STPG2: variants seen among roughly 807,000 people sequenced by gnomAD.
STPG2 encodes the protein sperm-tail PG-rich repeat-containing protein 2.
A neutral mutation model predicts 54.2 loss-of-function variants in STPG2; 56 were observed. That is an observed-to-expected ratio of 1.03 (90% CI 0.83 to 1.29). The LOEUF (loss-of-function observed/expected upper bound fraction) is 1.29, where lower values mean the gene tolerates loss of function less well. STPG2 is among the 50% of genes most tolerant of loss of function. The pLI is 0.00. For missense variants in STPG2, 596 were observed against 544.9 expected, an observed-to-expected ratio of 1.09 and a Z score of -0.93; for synonymous variants, 200 against 181.8, an observed-to-expected ratio of 1.10 and a Z score of -0.81.
intron 8 of STPG2, among the ~76,000 whole-genome samples, chr4:97,894,843 G>C (rs1730900213): frequency 6.6e-6 from 1 of 151,862 alleles, no homozygotes; most frequent in Non-Finnish European, 1.5e-5. Flanking sequence ...GCAGCTGAGA[G>C]AAAGAGTAAG....
chr4:97,918,989 G>T (rs1055759061), intron 8 of STPG2, among the ~76,000 whole-genome samples: 1 of 152,030 alleles, frequency 6.6e-6, no homozygotes, highest in African/African-American at 2.4e-5. Flanking sequence ...TAAAAGCAAG[G>T]TTTAATAGAT....
intron 9 of STPG2, among the ~76,000 whole-genome samples, chr4:97,742,233 A>T (rs1725266996): frequency 6.6e-6 from 1 of 151,898 alleles, no homozygotes; most frequent in African/African-American, 2.4e-5. Context: ...GGGAGGAAGG[A>T]GGGATAGCAT....
intron 7 of STPG2, among the ~76,000 whole-genome samples, chr4:97,949,134 G>A (rs150723679): frequency 2.2e-3 from 331 of 152,088 alleles, no homozygotes; most frequent in African/African-American, 7.1e-3. Flanking sequence ...ATATCTTCTC[G>A]TTGAATTGAT....
At chr4:97,997,136 T>C (rs1735265808) in intron 5 of STPG2, among the ~76,000 whole-genome samples, 1 of 152,218 alleles carries the variant, frequency 6.6e-6, no homozygotes, top group East Asian at 1.9e-4. Context: ...GACACATGCA[T>C]GCATATGATC....
At chr4:97,951,278 C>T (rs1357095539) in intron 7 of STPG2, among the ~76,000 whole-genome samples, 3 of 152,148 alleles carry the variant, frequency 2.0e-5, no homozygotes, top group African/African-American at 4.8e-5. Flanking sequence ...GCATTAATAA[C>T]ATTTTCTCTA....
chr4:97,650,331 T>G (rs755859432), intron 10 of STPG2, among the ~76,000 whole-genome samples: 2 of 152,106 alleles, frequency 1.3e-5, no homozygotes, highest in Non-Finnish European at 2.9e-5. Context: ...CTCTGTAAAA[T>G]ATTTGAAGAG....
intron 10 of STPG2, among the ~76,000 whole-genome samples, chr4:97,667,648 C>T (rs113925198): frequency 0.012 from 1,878 of 152,206 alleles, 33 homozygotes; most frequent in African/African-American, 0.043. Context: ...CAAACTCTTC[C>T]TTCCTTACAT....
In STPG2 at chr4:97,787,715, T is replaced by C. The variant is rs180815841; in HGVS notation, c.1204+53058A>G. On this transcript the variant is annotated intron_variant, in intron 9 of 10. Transcript: ENST00000295268. ...CTATTTTTTGCTTCTTAAATGTTTA[T>C]GCTTGATATGTTCTTATCAGATAAC... is the stretch of plus-strand genomic sequence containing the variant. Among the ~76,000 whole-genome samples the C allele has an allele frequency of 2.2e-4, 33 of 152,064 alleles. No individual in the cohort carries two copies. In the East Asian group the frequency reaches 6.4e-3, roughly 29 times the overall value.
At chr4:97,670,632 C>T (rs1297968355) in intron 10 of STPG2, among the ~76,000 whole-genome samples, 2 of 152,108 alleles carry the variant, frequency 1.3e-5, no homozygotes, top group African/African-American at 4.8e-5. Flanking sequence ...TATTCTTGAC[C>T]TTGCCTATTA....
intron 8 of STPG2, among the ~76,000 whole-genome samples, chr4:97,942,643 C>A (rs930453316): frequency 6.6e-6 from 1 of 152,058 alleles, no homozygotes; most frequent in Non-Finnish European, 1.5e-5. Context: ...GCTATTATTT[C>A]CAAGACATTC....
chr4:97,484,761 G>A (rs1386918391), intron 4 of STPG2, among the ~76,000 whole-genome samples: 2 of 151,604 alleles, frequency 1.3e-5, no homozygotes, highest in Non-Finnish European at 3.0e-5. Flanking sequence ...AACAAAAAAA[G>A]AAAATTACAG....
At chr4:98,025,017 A>AT (rs1456141774) in intron 5 of STPG2, among the ~76,000 whole-genome samples, 7 of 152,184 alleles carry the variant, frequency 4.6e-5, no homozygotes, top group Non-Finnish European at 1.0e-4. Context: ...TGCAAATGTA[A>AT]TTACCCCCAT....
chr4:98,065,371 C>T (rs1737801176), intron 5 of STPG2, among the ~76,000 whole-genome samples: 1 of 152,010 alleles, frequency 6.6e-6, no homozygotes, highest in South Asian at 2.1e-4. Context: ...GGTCCAGTAA[C>T]TGGATAATTA....
chr4:97,955,121 A>C (rs1190589981), intron 7 of STPG2, among the ~76,000 whole-genome samples: 3 of 152,212 alleles, frequency 2.0e-5, no homozygotes, highest in Non-Finnish European at 4.4e-5. Flanking sequence ...TGGTAGTTGA[A>C]ATAGATGAAA....
At chr4:97,752,553 C>G (rs1725610514) in intron 9 of STPG2, among the ~76,000 whole-genome samples, 1 of 151,810 alleles carries the variant, frequency 6.6e-6, no homozygotes, top group Admixed American at 6.6e-5. Flanking sequence ...CACACAGGCA[C>G]CCAACTGCAT....
At chr4:97,902,693 G>T (rs1235351237) in intron 8 of STPG2, among the ~76,000 whole-genome samples, 1 of 152,228 alleles carries the variant, frequency 6.6e-6, no homozygotes, top group South Asian at 2.1e-4. Flanking sequence ...ACATATTTTG[G>T]TGGGTATGTA....
chr4:97,884,131 G>T (rs1374383146), intron 8 of STPG2, among the ~76,000 whole-genome samples: 3 of 152,086 alleles, frequency 2.0e-5, no homozygotes, highest in African/African-American at 7.2e-5. Context: ...TGGGAAGAGA[G>T]GGGGGAAAGG....
At position 97,599,805 on chromosome 4, in the gene STPG2, C is replaced by A. The variant is rs535499590; in HGVS notation, c.1321-40688G>T. Among the ~76,000 whole-genome samples the A allele has an allele frequency of 4.7e-3, 599 of 128,474 alleles. 3 individuals are homozygous for A. Among genetic ancestry groups the A allele is most frequent in the South Asian group, 0.022 (91 of 4,158 alleles). The allele number at this position is 128,474 out of a possible 152,430, so 84.3% of individuals were successfully genotyped here. ...TGCCACTGAACTCCAGCCTGGGTGACAGTGTGAGATTCTGTCTCAAAAAAA... is the reference window on the plus strand; with the variant it reads ...TGCCACTGAACTCCAGCCTGGGTGAAAGTGTGAGATTCTGTCTCAAAAAAA... On this transcript the variant is annotated intron_variant, in intron 10 of 10. Coordinates refer to ENST00000295268, the MANE Select transcript of STPG2 (RefSeq NM_174952.3).
intron 5 of STPG2, among the ~76,000 whole-genome samples, chr4:98,007,445 C>A (rs1735609781): frequency 6.6e-6 from 1 of 152,018 alleles, no homozygotes; most frequent in Non-Finnish European, 1.5e-5. Flanking sequence ...ATAATCACAC[C>A]CTAAAGGAAA....
Sources: allele counts gnomAD v4.1 joint callset (sites outside exome capture counted in the v4.1 genomes callset), GRCh38; gene constraint gnomAD v4.1.1; transcripts MANE v1.5; gene names NCBI Gene and HGNC (gene_info 2026-07-23, HGNC 2026-07-21).